Variants in PRKCH observed in about 807,000 individuals in gnomAD.
PRKCH encodes the protein protein kinase C eta.
In PRKCH, 28 loss-of-function variants were observed where a neutral mutation model predicts 82.5. The observed-to-expected ratio is 0.34, with a 90% CI of 0.25 to 0.47. The LOEUF (loss-of-function observed/expected upper bound fraction) is 0.47. Among genes scored for constraint, PRKCH ranks in the 20% least tolerant of loss-of-function variants. The probability of loss-of-function intolerance (pLI) is 1.00; values close to 1 mark genes in which losing one functional copy is unlikely to be tolerated. For synonymous variants in PRKCH, 322 were observed against 327.4 expected (o/e 0.98, Z 0.18); for missense variants, 705 against 881.8 (o/e 0.80, Z 2.54).
intron 1 of PRKCH, among the ~76,000 whole-genome samples, chr14:61,340,017 T>C (rs1175564576): frequency 6.6e-6 from 1 of 151,964 alleles, no homozygotes; most frequent in East Asian, 2.0e-4. Context: ...CCCAAATCTT[T>C]CTGAGCACTC....
intron 9 of PRKCH, among the ~76,000 whole-genome samples, chr14:61,464,746 C>G (rs1885178794): frequency 6.6e-6 from 1 of 152,184 alleles, no homozygotes; most frequent in Admixed American, 6.5e-5. Context: ...CATAGTATTC[C>G]ATGGTGTATA....
chr14:61,473,980 C>T (rs1184146235), intron 9 of PRKCH, among the ~76,000 whole-genome samples: 3 of 146,024 alleles, frequency 2.1e-5, no homozygotes, highest in African/African-American at 7.7e-5. Flanking sequence ...GGCAACAGAG[C>T]GAGACTCTGT....
chr14:61,469,794 C>T (rs549782527), intron 9 of PRKCH, among the ~76,000 whole-genome samples: 8 of 152,096 alleles, frequency 5.3e-5, no homozygotes, highest in Admixed American at 3.9e-4. Context: ...GCAGACTCGT[C>T]GTGTAGAGAG....
intron 2 of PRKCH, among the ~76,000 whole-genome samples, chr14:61,408,847 C>T (rs55688338): frequency 5.3e-5 from 8 of 152,256 alleles, no homozygotes; most frequent in African/African-American, 1.4e-4. Flanking sequence ...ACCGGATAGA[C>T]GTCATATTCT....
chr14:61,324,170 G>A (rs2045665915), intron 1 of PRKCH, among the ~76,000 whole-genome samples: 1 of 152,184 alleles, frequency 6.6e-6, no homozygotes, highest in South Asian at 2.1e-4. Flanking sequence ...CCTACATGAA[G>A]ACCAAAAGAT....
chr14:61,335,050 T>A (rs559658738), intron 1 of PRKCH, among the ~76,000 whole-genome samples: 7 of 152,192 alleles, frequency 4.6e-5, no homozygotes, highest in Admixed American at 2.6e-4. Context: ...TTATTTATTT[T>A]TTGTAATCTT....
At chr14:61,333,311 A>G (rs1003559453) in intron 1 of PRKCH, among the ~76,000 whole-genome samples, 1 of 152,204 alleles carries the variant, frequency 6.6e-6, no homozygotes, top group Non-Finnish European at 1.5e-5. Context: ...TATTCTGGGA[A>G]CAATGTCATC....
chr14:61,229,171 G>A (rs917359134), intron 1 of PRKCH, among the ~76,000 whole-genome samples: 2 of 152,102 alleles, frequency 1.3e-5, no homozygotes, highest in South Asian at 2.1e-4. Context: ...CAAAATAGGG[G>A]ATGTGTTAAA....
At chr14:61,402,097 G>A (rs139579423) in intron 2 of PRKCH, among the ~76,000 whole-genome samples, 1 of 152,158 alleles carries the variant, frequency 6.6e-6, no homozygotes, top group Non-Finnish European at 1.5e-5. Context: ...CTTTTCTCAT[G>A]AGTTTGTTGT....
intron 9 of PRKCH, among the ~76,000 whole-genome samples, chr14:61,470,775 C>G (rs2140311342): frequency 6.6e-6 from 1 of 152,226 alleles, no homozygotes; most frequent in South Asian, 2.1e-4. Flanking sequence ...ATATGACGTT[C>G]TAAACATTAA....
At chr14:61,522,658 T>G (rs764690375) in intron 10 of PRKCH, among the ~76,000 whole-genome samples, 119 of 152,258 alleles carry the variant, frequency 7.8e-4, no homozygotes, top group Non-Finnish European at 2.5e-4. Flanking sequence ...CCTTGATCTA[T>G]TCCCATGTTT....
chr14:61,306,715 G>A (rs979512980), intron 1 of PRKCH: 8 of 152,150 alleles, frequency 5.3e-5, no homozygotes, highest in African/African-American at 9.7e-5. Flanking sequence ...AATAACGTAC[G>A]AAAACACACA....
intron 10 of PRKCH, among the ~76,000 whole-genome samples, chr14:61,517,789 G>A (rs2042849254): frequency 6.6e-6 from 1 of 152,234 alleles, no homozygotes; most frequent in Non-Finnish European, 1.5e-5. Context: ...AGGGAATTGA[G>A]TTCTGATTTC....
intron 1 of PRKCH, among the ~76,000 whole-genome samples, chr14:61,200,242 A>G (rs913182120): frequency 2.0e-5 from 3 of 152,176 alleles, no homozygotes; most frequent in Admixed American, 6.5e-5. Flanking sequence ...GGATAAGAAG[A>G]TTACCATAAG....
Position 61,338,685 on chromosome 14 carries a change from G to T in PRKCH, c.363+16221G>T, listed in dbSNP as rs74626105. Among the ~76,000 whole-genome samples, 1,477 of 152,262 alleles carry T rather than the reference G, an allele frequency of 9.7e-3. 86 individuals are homozygous for T. Among genetic ancestry groups the T allele is most frequent in the Admixed American group, 0.091 (1,384 of 15,288 alleles). ...ATCTAGGTACAACTGTGACCTTGAA[G>T]TGACCTTGAGTTTAAGTTGCCATTT... On this transcript the variant is annotated intron_variant, in intron 1 of 13. Transcript: ENST00000332981.
At chr14:61,510,651 T>G (rs968268400) in intron 10 of PRKCH, among the ~76,000 whole-genome samples, 2 of 151,624 alleles carry the variant, frequency 1.3e-5, no homozygotes, top group Non-Finnish European at 2.9e-5. Context: ...CGGAGAGAGG[T>G]GTCAGGATAG....
intron 1 of PRKCH, among the ~76,000 whole-genome samples, chr14:61,208,982 T>A (rs1411337674): frequency 6.6e-6 from 1 of 152,170 alleles, no homozygotes; most frequent in African/African-American, 2.4e-5. Flanking sequence ...AATGCAGCGG[T>A]GTTGAGAGGT....
chr14:61,459,781 T>C (rs1272743423), intron 9 of PRKCH, among the ~76,000 whole-genome samples: 1 of 152,214 alleles, frequency 6.6e-6, no homozygotes, highest in African/African-American at 2.4e-5. Context: ...CATATATGCA[T>C]ACATGTTTAT....
At position 61,280,661 on chromosome 14, in the gene PRKCH, C is replaced by T. The variant is rs1288478361; in HGVS notation, c.-19+92993C>T. On this transcript the variant is annotated intron_variant, in intron 1 of 3. Coordinates refer to the PRKCH transcript ENST00000555185. The surrounding 1 kb of genome is among the most constrained non-coding windows in gnomAD (Gnocchi z 5.0). ...TTGAAGAGGCTGTTGGCGATGGCGC[C>T]GCAGGGCGCGATGGGCAGGCCGGCC... 3.2e-6 allele frequency: 5 copies of T among 1,571,288 alleles called. No individual in the cohort carries two copies. The highest frequency in any genetic ancestry group is 2.7e-5 in the African/African-American group (2 of 73,926).
Sources: gnomAD v4.1 joint callset for allele counts (sites outside exome capture counted in the v4.1 genomes callset) on GRCh38, gnomAD v4.1.1 for gene constraint, Gnocchi (gnomAD v3.1) non-coding constraint, MANE v1.5 for transcripts, NCBI Gene and HGNC (gene_info 2026-07-23, HGNC 2026-07-21) for gene names.